Variants in TRPM3 observed in about 807,000 individuals in gnomAD.
TRPM3 encodes the protein long transient receptor potential channel 3.
A neutral mutation model predicts 181.2 loss-of-function variants in TRPM3; 77 were observed. That is an observed-to-expected ratio of 0.42 (90% CI 0.35 to 0.51). TRPM3 has a LOEUF of 0.51. TRPM3 is among the 20% of genes least tolerant of loss of function. TRPM3 has a pLI of 0.01. For missense variants in TRPM3, 1,759 were observed against 2,196.7 expected (o/e 0.80, Z 3.98); for synonymous variants, 745 against 796.4 (o/e 0.94, Z 1.09).
intron 1 of TRPM3, among the ~76,000 whole-genome samples, chr9:71,442,356 C>G (rs2094146828): frequency 6.6e-6 from 1 of 152,186 alleles, no homozygotes; most frequent in Admixed American, 6.5e-5. Context: ...AGAGTTTACT[C>G]AGAGACTAAA....
intron 1 of TRPM3, among the ~76,000 whole-genome samples, chr9:71,080,346 C>T (rs550614144): frequency 2.6e-5 from 4 of 152,062 alleles, no homozygotes; most frequent in Middle Eastern, 3.4e-3. Context: ...CTATAGCTTC[C>T]GTAAGCTCCC....
chr9:70,613,296 G>C (rs1361822323), intron 18 of TRPM3, among the ~76,000 whole-genome samples: 1 of 152,186 alleles, frequency 6.6e-6, no homozygotes, highest in Non-Finnish European at 1.5e-5. Context: ...CATGATTTGA[G>C]AATCTATGCT....
intron 1 of TRPM3, among the ~76,000 whole-genome samples, chr9:71,200,622 A>T (rs2078718694): frequency 6.6e-6 from 1 of 152,184 alleles, no homozygotes; most frequent in Non-Finnish European, 1.5e-5. Flanking sequence ...CTTTACCGTT[A>T]TGTAATGGCC....
At chr9:70,672,621 A>G (rs555472711) in intron 9 of TRPM3, among the ~76,000 whole-genome samples, 13 of 152,202 alleles carry the variant, frequency 8.5e-5, no homozygotes, top group African/African-American at 3.1e-4. Context: ...TAAAAATAAA[A>G]CAAGTATGAG....
intron 1 of TRPM3, among the ~76,000 whole-genome samples, chr9:71,159,837 G>A (rs2076191899): frequency 6.6e-6 from 1 of 152,148 alleles, no homozygotes; most frequent in African/African-American, 2.4e-5. Context: ...TCTGTCTGCT[G>A]AGATGTGAGT....
At chr9:71,446,677 C>T (rs769964287) in exon 1 of TRPM3, 1 of 1,550,314 alleles carries the variant, frequency 6.5e-7, no homozygotes, top group Admixed American at 2.0e-5. Context: ...ACGGGAGTCC[C>T]GAGCGTTTGG....
intron 9 of TRPM3, among the ~76,000 whole-genome samples, chr9:70,677,614 T>C (rs769736796): frequency 6.6e-6 from 1 of 152,238 alleles, no homozygotes; most frequent in Non-Finnish European, 1.5e-5. Context: ...TCCATCAGAC[T>C]CTTTCTGTGT....
intron 6 of TRPM3, among the ~76,000 whole-genome samples, chr9:70,788,457 T>C (rs1340961663): frequency 2.0e-5 from 3 of 152,012 alleles, no homozygotes; most frequent in Non-Finnish European, 4.4e-5. Flanking sequence ...TATCACATTA[T>C]TACTGCCCAG....
intron 9 of TRPM3, among the ~76,000 whole-genome samples, chr9:70,644,106 A>T (rs2058466247): frequency 6.6e-6 from 1 of 152,194 alleles, no homozygotes; most frequent in East Asian, 1.9e-4. Context: ...CTCTGCTGGG[A>T]ACTGATTTGT....
intron 12 of TRPM3, among the ~76,000 whole-genome samples, chr9:70,631,173 G>A (rs1180105886): frequency 1.3e-5 from 2 of 152,158 alleles, no homozygotes; most frequent in Non-Finnish European, 2.9e-5. Context: ...GTAATCACCC[G>A]GTAGGGGCTT....
intron 1 of TRPM3, among the ~76,000 whole-genome samples, chr9:70,981,710 G>A (rs138414419): frequency 3.2e-4 from 49 of 152,264 alleles, no homozygotes; most frequent in East Asian, 3.1e-3. Flanking sequence ...AGTCTGGCTC[G>A]TTGTAAGTAC....
intron 1 of TRPM3, among the ~76,000 whole-genome samples, chr9:70,937,255 T>C (rs1002294467): frequency 3.3e-5 from 5 of 152,188 alleles, no homozygotes; most frequent in Admixed American, 3.3e-4. Flanking sequence ...GAATTAAATT[T>C]AGGTTCCATT....
At chr9:70,805,434 T>G (rs966046373) in intron 6 of TRPM3, among the ~76,000 whole-genome samples, 3 of 148,056 alleles carry the variant, frequency 2.0e-5, no homozygotes, top group Non-Finnish European at 4.4e-5. Context: ...CTCGGGAGGC[T>G]AAGGCAGGAG....
At chr9:71,211,037 C>T (rs1007634488) in intron 1 of TRPM3, among the ~76,000 whole-genome samples, 4 of 152,148 alleles carry the variant, frequency 2.6e-5, no homozygotes, top group Admixed American at 1.3e-4. Flanking sequence ...AATACAGTCA[C>T]GTTGAGGGTT....
At chr9:70,867,656 T>G (rs1474955733) in intron 1 of TRPM3, among the ~76,000 whole-genome samples, 1 of 152,024 alleles carries the variant, frequency 6.6e-6, no homozygotes, top group Non-Finnish European at 1.5e-5. Context: ...TAAATTGGAT[T>G]TTTTCATTGA....
At chr9:71,169,793 T>C (rs1374077906) in intron 1 of TRPM3, among the ~76,000 whole-genome samples, 1 of 151,720 alleles carries the variant, frequency 6.6e-6, no homozygotes, top group African/African-American at 2.4e-5. Context: ...CTTCTCGGTT[T>C]AGTATAAAAA....
intron 25 of TRPM3, among the ~76,000 whole-genome samples, chr9:70,542,322 A>G (rs575785456): frequency 6.6e-6 from 1 of 152,298 alleles, no homozygotes; most frequent in East Asian, 1.9e-4. Context: ...AGTGACTAAG[A>G]AAAAAAGAGG....
intron 7 of TRPM3, among the ~76,000 whole-genome samples, chr9:70,782,833 G>T (rs1384904617): frequency 6.6e-6 from 1 of 151,966 alleles, no homozygotes; most frequent in African/African-American, 2.4e-5. Flanking sequence ...GTGTTAAGCT[G>T]GAGGCTCAAT....
chr9:70,852,821 A>G (rs1488047377), intron 3 of TRPM3, among the ~76,000 whole-genome samples: 1 of 152,156 alleles, frequency 6.6e-6, no homozygotes, highest in Non-Finnish European at 1.5e-5. Flanking sequence ...GTCCTAGATA[A>G]TGCAATCTCT....
Sources: gnomAD v4.1 joint callset for allele counts (sites outside exome capture counted in the v4.1 genomes callset) on GRCh38, gnomAD v4.1.1 for gene constraint, MANE v1.5 for transcripts, NCBI Gene and HGNC (gene_info 2026-07-23, HGNC 2026-07-21) for gene names.